The following MSRB3 variants were observed in gnomAD, a reference collection of about 807,000 sequenced individuals.
The protein encoded by MSRB3 is methionine sulfoxide reductase B3, also known as methionine-R-sulfoxide reductase B3.
A neutral mutation model predicts 21.0 loss-of-function variants in MSRB3; 13 were observed. The ratio of observed to expected loss-of-function variants is 0.62; its 90% CI spans 0.40 to 0.98. The LOEUF is 0.98. MSRB3 is among the 50% of genes least tolerant of loss of function. MSRB3 has a pLI of 0.00. For synonymous variants in MSRB3, 87 were observed against 88.6 expected (o/e 0.98, Z 0.10); for missense variants, 199 against 230.3 (o/e 0.86, Z 0.88).
rs77639188 is a variant in MSRB3 at position 65,440,218 on chromosome 12, A to G, written c.293-13510A>G. Among the ~76,000 whole-genome samples, 490 of 151,966 alleles carry G rather than the reference A, an allele frequency of 3.2e-3. 5 individuals carry two copies. The highest frequency in any genetic ancestry group is 0.011 in the African/African-American group (460 of 41,538). Reference sequence around the variant, plus strand: ...TGCAAAACAAACATCCTATATGAAAATATAGGATACTGTATGTATAATTCA... The same window carrying G: ...TGCAAAACAAACATCCTATATGAAAGTATAGGATACTGTATGTATAATTCA... On this transcript the variant is annotated intron_variant, in intron 5 of 6. Coordinates refer to ENST00000308259, the MANE Select transcript of MSRB3 (RefSeq NM_001031679.3).
At chr12:65,435,672 A>G (rs1334196029) in intron 5 of MSRB3, among the ~76,000 whole-genome samples, 2 of 151,910 alleles carry the variant, frequency 1.3e-5, no homozygotes, top group African/African-American at 2.4e-5. Context: ...GATTTTGATA[A>G]CATTTTGTGG....
intron 5 of MSRB3, among the ~76,000 whole-genome samples, chr12:65,404,160 C>T (rs1047762464): frequency 6.6e-6 from 1 of 152,224 alleles, no homozygotes; most frequent in Non-Finnish European, 1.5e-5. Context: ...ACTACAATCT[C>T]AAATTCCTGT....
intron 5 of MSRB3, among the ~76,000 whole-genome samples, chr12:65,408,744 G>T (rs1365093915): frequency 6.6e-6 from 1 of 152,068 alleles, no homozygotes; most frequent in African/African-American, 2.4e-5. Context: ...GGCCAGAATT[G>T]GTTATTTCCC....
At chr12:65,352,515 A>T (rs1422797907) in intron 4 of MSRB3, among the ~76,000 whole-genome samples, 2 of 151,942 alleles carry the variant, frequency 1.3e-5, no homozygotes, top group African/African-American at 2.4e-5. Context: ...GAAAAGAAGA[A>T]GTCAAATTGT....
intron 5 of MSRB3, among the ~76,000 whole-genome samples, chr12:65,413,947 A>G (rs1156335053): frequency 6.6e-6 from 1 of 152,172 alleles, no homozygotes; most frequent in Non-Finnish European, 1.5e-5. Context: ...GGAAAATGGT[A>G]CAAAGGCCTT....
chr12:65,380,645 A>G (rs1878890312), intron 5 of MSRB3, among the ~76,000 whole-genome samples: 1 of 152,170 alleles, frequency 6.6e-6, no homozygotes, highest in South Asian at 2.1e-4. Context: ...AAACAATTAC[A>G]AAATTGATTT....
chr12:65,361,712 T>C (rs1209035259), intron 4 of MSRB3, among the ~76,000 whole-genome samples: 1 of 152,134 alleles, frequency 6.6e-6, no homozygotes, highest in African/African-American at 2.4e-5. Flanking sequence ...TGATATATCT[T>C]AACCAAACAA....
intron 4 of MSRB3, among the ~76,000 whole-genome samples, chr12:65,343,647 A>G (rs1876287615): frequency 6.6e-6 from 1 of 152,098 alleles, no homozygotes; most frequent in Admixed American, 6.6e-5. Context: ...ACTTAAATAG[A>G]AAATCAAAGC....
intron 4 of MSRB3, among the ~76,000 whole-genome samples, chr12:65,337,334 T>A (rs1875842180): frequency 6.7e-6 from 1 of 148,452 alleles, no homozygotes; most frequent in Admixed American, 6.9e-5. Flanking sequence ...CTTGGGAGGC[T>A]GAGGCAGGAG....
chr12:65,290,553 G>T (rs756833371), intron 1 of MSRB3, among the ~76,000 whole-genome samples: 21 of 152,120 alleles, frequency 1.4e-4, no homozygotes, highest in Non-Finnish European at 2.9e-4. Context: ...TTGTTCTACA[G>T]GTCTTTTAAA....
intron 5 of MSRB3, among the ~76,000 whole-genome samples, chr12:65,430,132 C>G (rs1466733125): frequency 6.6e-6 from 1 of 152,084 alleles, no homozygotes; most frequent in Non-Finnish European, 1.5e-5. Context: ...TTTGAAGAAT[C>G]TAAAAGGCTT....
At chr12:65,443,185 G>A (rs539492830) in intron 5 of MSRB3, among the ~76,000 whole-genome samples, 1 of 152,130 alleles carries the variant, frequency 6.6e-6, no homozygotes, top group East Asian at 1.9e-4. Flanking sequence ...AATTAGTAAA[G>A]CTTGCTGCAG....
intron 5 of MSRB3, among the ~76,000 whole-genome samples, chr12:65,432,761 G>T (rs1881942178): frequency 6.6e-6 from 1 of 151,972 alleles, no homozygotes; most frequent in South Asian, 2.1e-4. Context: ...TGGCTTAATT[G>T]CTTTGAGTAT....
intron 5 of MSRB3, among the ~76,000 whole-genome samples, chr12:65,448,303 C>A (rs1471283265): frequency 6.6e-6 from 1 of 152,134 alleles, no homozygotes; most frequent in African/African-American, 2.4e-5. Flanking sequence ...ATGTAGCAGG[C>A]ACTTTTTTAG....
In MSRB3 at chr12:65,375,319, T is replaced by A. The variant is rs142349746; in HGVS notation, c.292+6293T>A. ...AATTTTCTATTGATTTTCTCAGATT[T>A]CATATGTACCCTTATGTCACATACT... is the stretch of plus-strand genomic sequence containing the variant. On this transcript the variant is annotated intron_variant, in intron 5 of 6. Transcript: ENST00000308259. 8.7e-3 allele frequency among the ~76,000 whole-genome samples: 1,318 copies of A among 152,336 alleles called. 21 individuals carry two copies. The highest frequency in any genetic ancestry group is 0.03 in the African/African-American group (1,247 of 41,580).
chr12:65,338,190 AT>A (rs941400469), intron 4 of MSRB3, among the ~76,000 whole-genome samples: 6 of 151,704 alleles, frequency 4.0e-5, no homozygotes, highest in South Asian at 4.2e-4. Flanking sequence ...TTTCTGAATA[AT>A]TTTTTTTTGT....
At position 65,278,730 on chromosome 12, in the gene MSRB3, G is replaced by A; in HGVS notation, c.-187G>A. The A allele has an allele frequency of 1.3e-6, 2 of 1,544,738 alleles. No homozygotes were observed. Among genetic ancestry groups the A allele is most frequent in the Non-Finnish European group, 1.8e-6 (2 of 1,139,046 alleles). Reference sequence around the variant, plus strand: ...TCGCCCGGAGCCGGGGAGGGAGGGAGCGAGGTTCGGACACCGGCGGCGGCT... The same window carrying A: ...TCGCCCGGAGCCGGGGAGGGAGGGAACGAGGTTCGGACACCGGCGGCGGCT... On this transcript the variant is annotated 5_prime_UTR_variant, in exon 1 of 7. Coordinates refer to ENST00000308259, the MANE Select transcript of MSRB3 (RefSeq NM_001031679.3).
chr12:65,394,601 C>G (rs1391555416), intron 5 of MSRB3, among the ~76,000 whole-genome samples: 1 of 152,192 alleles, frequency 6.6e-6, no homozygotes, highest in Non-Finnish European at 1.5e-5. Flanking sequence ...TACAGGGTCA[C>G]TATGACCCTG....
chr12:65,334,237 A>G (rs1875616750), intron 4 of MSRB3, among the ~76,000 whole-genome samples: 1 of 152,224 alleles, frequency 6.6e-6, no homozygotes, highest in African/African-American at 2.4e-5. Flanking sequence ...AACAATAGCT[A>G]ACACTTACTA....
Sources: gnomAD v4.1 joint callset for allele counts (sites outside exome capture counted in the v4.1 genomes callset) on GRCh38, gnomAD v4.1.1 for gene constraint, MANE v1.5 for transcripts, NCBI Gene and HGNC (gene_info 2026-07-23, HGNC 2026-07-21) for gene names.